Variants in PPWD1 observed in about 807,000 individuals in gnomAD.
PPWD1 encodes peptidylprolyl isomerase domain and WD repeat containing 1.
PPWD1 carries 43 observed loss-of-function variants against 68.8 expected under a neutral mutation model. The observed-to-expected ratio is 0.62, with a 90% CI of 0.49 to 0.81. The LOEUF is 0.81. Among genes scored for constraint, PPWD1 ranks in the 30% least tolerant of loss-of-function variants. The probability of loss-of-function intolerance (pLI) is 0.00; values close to 1 mark genes in which losing one functional copy is unlikely to be tolerated. For missense variants in PPWD1, 672 were observed against 804.8 expected (o/e 0.83, Z 2.00); for synonymous variants, 232 against 258.7 (o/e 0.90, Z 0.99).
At chr5:65,580,130 T>C (rs1486262661) in intron 7 of PPWD1, among the ~76,000 whole-genome samples, 2 of 152,164 alleles carry the variant, frequency 1.3e-5, no homozygotes, top group African/African-American at 2.4e-5. Context: ...AAGACTGAGA[T>C]AGTTAAAATC....
chr5:65,579,661 G>C, intron 7 of PPWD1, 48 bp downstream of exon 7: 1 of 1,329,932 alleles, frequency 7.5e-7, no homozygotes, highest in Non-Finnish European at 9.8e-7. Flanking sequence ...CTTCCAGTTT[G>C]GTTTGACTTT....
chr5:65,563,858 G>A, intron 1 of PPWD1: 1 of 1,473,152 alleles, frequency 6.8e-7, no homozygotes, highest in Non-Finnish European at 9.2e-7. Context: ...AAGGGTACCA[G>A]TTCTCTTTAA....
At chr5:65,582,822 G>A (rs1424178862) in intron 7 of PPWD1, 1 of 424,586 alleles carries the variant, frequency 2.4e-6, no homozygotes. Flanking sequence ...TGAAATCAAT[G>A]TGTTCAGTAT....
At chr5:65,564,318 CTTTTTTTTTTTT>C (rs550753414) in intron 1 of PPWD1, among the ~76,000 whole-genome samples, 1 of 117,230 alleles carries the variant, frequency 8.5e-6, no homozygotes, top group Non-Finnish European at 1.7e-5. Context: ...TTTTCTCTCT[CTTTTTTTTTTTT>C]TTTTTTTTTT....
At chr5:65,580,940 C>T (rs937074016) in intron 7 of PPWD1, among the ~76,000 whole-genome samples, 12 of 152,140 alleles carry the variant, frequency 7.9e-5, no homozygotes, top group Non-Finnish European at 1.8e-4. Context: ...TGGCCTCTGA[C>T]GCTGTGCTCT....
chr5:65,563,858 G>C (rs1752483091), intron 1 of PPWD1: 1 of 1,473,034 alleles, frequency 6.8e-7, no homozygotes, highest in African/African-American at 1.4e-5. Context: ...AAGGGTACCA[G>C]TTCTCTTTAA....
rs144631160 is a variant in PPWD1, at chr5:65,569,568, TG to T, written c.300-61del. The T allele has an allele frequency of 4.3e-4, 633 of 1,470,236 alleles. 5 individuals carry two copies. In the African/African-American group the frequency reaches 8.0e-3, roughly 19 times the overall value. The allele number at this position is 1,470,236 out of a possible 1,614,324, so 91.1% of individuals were successfully genotyped here. On this transcript the variant is annotated intron_variant, in intron 2 of 10. Transcript: ENST00000261308. ...TCAGATTCTTAGTGAATGATTGCTTTGGGAATACTAAGTGATTCATAGATCT... is the reference window on the plus strand; with the variant it reads ...TCAGATTCTTAGTGAATGATTGCTTTGGAATACTAAGTGATTCATAGATCT...
intron 1 of PPWD1, chr5:65,563,902 T>C: frequency 7.1e-7 from 1 of 1,406,288 alleles, no homozygotes; most frequent in Non-Finnish European, 9.7e-7. Flanking sequence ...AATGTATTAA[T>C]GTGTTGGGGC....
At chr5:65,578,780 ATG>A (rs554498010) in intron 6 of PPWD1, among the ~76,000 whole-genome samples, 57 of 118,380 alleles carry the variant, frequency 4.8e-4, no homozygotes, top group Admixed American at 3.4e-3. Flanking sequence ...ATACATATAT[ATG>A]TGTATATATA....
chr5:65,579,282 G>A, intron 6 of PPWD1, 142 bp from the exon 7 acceptor site: 1 of 1,257,446 alleles, frequency 8.0e-7, no homozygotes, highest in Non-Finnish European at 1.0e-6. Flanking sequence ...CTTTTGGGGG[G>A]TAGAGAAACA....
At chr5:65,564,015 G>T (rs1476437671) in intron 1 of PPWD1, 2 of 635,916 alleles carry the variant, frequency 3.1e-6, no homozygotes. Context: ...AATGACGTAA[G>T]CTTCCTAGAT....
intron 2 of PPWD1, 148 bp downstream of exon 2, chr5:65,567,763 T>C: frequency 7.7e-7 from 1 of 1,303,554 alleles, no homozygotes. Context: ...ACATGTTCTT[T>C]CCTATATCGT....
intron 1 of PPWD1, among the ~76,000 whole-genome samples, chr5:65,567,220 C>T (rs1366151464): frequency 6.6e-6 from 1 of 150,556 alleles, no homozygotes; most frequent in Non-Finnish European, 1.5e-5. Context: ...TTTAATAGAA[C>T]ATTCACATTA....
rs1227716024 is a variant in PPWD1, at chr5:65,567,523, TGAAA to T, written c.210_213del (p.Arg71SerfsTer48). On this transcript the variant is annotated frameshift_variant, in exon 2 of 11. Transcript: ENST00000261308. LOFTEE classifies it high-confidence loss of function. ...CTTTTTTTTCTTCAGTCTTAGAGTT[TGAAA>T]GAGTCTATCTTGATAATCTCCCCAG... 1.2e-6 allele frequency: 2 copies of T among 1,609,164 alleles called. No homozygotes were observed. The highest frequency in any genetic ancestry group is 1.7e-6 in the Non-Finnish European group (2 of 1,177,458).
At chr5:65,582,745 A>G (rs1425139944) in intron 7 of PPWD1, 2 of 197,022 alleles carry the variant, frequency 1.0e-5, no homozygotes, top group East Asian at 2.5e-4. Flanking sequence ...GCTACCACAA[A>G]TGAAACAATT....
chr5:65,575,924 T>C (rs548627320), intron 5 of PPWD1, among the ~76,000 whole-genome samples: 5 of 152,354 alleles, frequency 3.3e-5, no homozygotes, highest in Admixed American at 1.3e-4. Context: ...GTGCTTGTTA[T>C]GTCAGGCACG....
chr5:65,567,007 A>C (rs904493724), intron 1 of PPWD1, among the ~76,000 whole-genome samples: 1 of 152,124 alleles, frequency 6.6e-6, no homozygotes, highest in African/African-American at 2.4e-5. Context: ...GAATTTTACC[A>C]TGTTTAAATG....
intron 4 of PPWD1, 120 bp downstream of exon 4, chr5:65,570,118 G>A (rs1752952155): frequency 8.3e-7 from 1 of 1,208,550 alleles, no homozygotes; most frequent in East Asian, 2.7e-5. Context: ...AAAATGTGCT[G>A]TTGGGTTTTG....
At chr5:65,581,482 A>C (rs558803674) in intron 7 of PPWD1, among the ~76,000 whole-genome samples, 40 of 152,272 alleles carry the variant, frequency 2.6e-4, no homozygotes, top group African/African-American at 9.1e-4. Flanking sequence ...GCCATGCTGG[A>C]AGCTGATGTG....
Sources: allele counts gnomAD v4.1 joint callset (sites outside exome capture counted in the v4.1 genomes callset), GRCh38; gene constraint gnomAD v4.1.1; transcripts MANE v1.5; gene names NCBI Gene and HGNC (gene_info 2026-07-23, HGNC 2026-07-21).